HMGCLL1: variants seen among roughly 807,000 people sequenced by gnomAD.
HMGCLL1 encodes 3-hydroxy-3-methylglutaryl-CoA lyase like 1.
Under a neutral mutation model 39.1 loss-of-function variants are expected in HMGCLL1, and 36 were observed. That is an observed-to-expected ratio of 0.92 (90% CI 0.71 to 1.22). The LOEUF is 1.22. HMGCLL1 is among the 50% of genes most tolerant of loss of function. HMGCLL1 has a pLI of 0.00. For synonymous variants in HMGCLL1, 149 were observed against 144.0 expected (o/e 1.03, Z -0.25); for missense variants, 451 against 416.5 (o/e 1.08, Z -0.72).
intron 6 of HMGCLL1, among the ~76,000 whole-genome samples, chr6:55,498,979 T>C (rs186880562): frequency 9.0e-4 from 137 of 152,248 alleles, no homozygotes; most frequent in Admixed American, 8.8e-3. Context: ...ACAAAATGTA[T>C]ATTTTTATTC....
At chr6:55,675,999 T>C in the HMGCLL1 span, among the ~76,000 whole-genome samples, 1 of 152,192 alleles carries the variant, frequency 6.6e-6, no homozygotes, top group Non-Finnish European at 1.5e-5. Flanking sequence ...AAGAATTGGA[T>C]GCTTATCTGG....
intron 7 of HMGCLL1, among the ~76,000 whole-genome samples, chr6:55,473,204 A>AC (rs1369033897): frequency 6.6e-6 from 1 of 151,284 alleles, no homozygotes; most frequent in Non-Finnish European, 1.5e-5. Flanking sequence ...TCCGCTGGCA[A>AC]CCTCTGTCTT....
At chr6:55,647,764 A>AT in the HMGCLL1 span, among the ~76,000 whole-genome samples, 9 of 76,126 alleles carry the variant, frequency 1.2e-4, no homozygotes, top group African/African-American at 2.1e-4. Context: ...TTTTTATTTT[A>AT]TTTTATTTTT....
the HMGCLL1 span, among the ~76,000 whole-genome samples, chr6:55,603,338 A>C: frequency 7.9e-5 from 12 of 152,048 alleles, no homozygotes; most frequent in African/African-American, 2.7e-4. Context: ...TTGAACTTCT[A>C]TATTTAGGTT....
the HMGCLL1 span, among the ~76,000 whole-genome samples, chr6:55,672,366 T>A: frequency 6.2e-3 from 939 of 151,962 alleles, 14 homozygotes; most frequent in African/African-American, 0.021. Flanking sequence ...AATTTATTTA[T>A]TAAGCTCAAA....
the HMGCLL1 span, among the ~76,000 whole-genome samples, chr6:55,642,442 A>T: frequency 2.4e-4 from 37 of 152,106 alleles, no homozygotes; most frequent in African/African-American, 7.7e-4. Flanking sequence ...ATCTGAATGA[A>T]TTTTTTATGG....
intron 1 of HMGCLL1, among the ~76,000 whole-genome samples, chr6:55,564,122 T>C (rs548101273): frequency 2.6e-5 from 4 of 152,216 alleles, no homozygotes; most frequent in East Asian, 3.9e-4. Flanking sequence ...GACTCCTCAT[T>C]TCCTAAATGA....
the HMGCLL1 span, among the ~76,000 whole-genome samples, chr6:55,638,701 G>A: frequency 1.3e-5 from 2 of 152,074 alleles, no homozygotes; most frequent in East Asian, 3.9e-4. Context: ...TAATCCACAG[G>A]ATTCTTAGTC....
chr6:55,435,671 G>A lies in HMGCLL1; in HGVS notation c.1014C>T (p.Phe338=), dbSNP rs1253238344. 2 of 1,584,378 alleles carry A rather than the reference G, an allele frequency of 1.3e-6. No individual in the cohort carries two copies. Among genetic ancestry groups the A allele is most frequent in the Non-Finnish European group, 1.7e-6 (2 of 1,159,204 alleles). The change falls in exon 9 of 9, where the codon TTC becomes TTT. Residue 338 remains phenylalanine (F), a synonymous_variant. Coordinates refer to ENST00000274901, the MANE Select transcript of HMGCLL1 (RefSeq NM_001042406.2). ...CATAAATCCATTCAAGTCAAGCATT[G>A]AAGGAGGCTTGTGCTACTTTAGAGT... The part of the protein sequence containing the change: ...TTNSKVAQAS[F]NA
At chr6:55,664,664 G>A in the HMGCLL1 span, among the ~76,000 whole-genome samples, 88 of 151,712 alleles carry the variant, frequency 5.8e-4, no homozygotes, top group African/African-American at 2.0e-3. Context: ...AATTTCCGTG[G>A]GTCAGGAATC....
At chr6:55,645,626 A>G in the HMGCLL1 span, among the ~76,000 whole-genome samples, 1 of 152,006 alleles carries the variant, frequency 6.6e-6, no homozygotes, top group Non-Finnish European at 1.5e-5. Flanking sequence ...GAACTTTATC[A>G]AATGCCTTTT....
chr6:55,584,752 C>A, the HMGCLL1 span, among the ~76,000 whole-genome samples: 1 of 151,912 alleles, frequency 6.6e-6, no homozygotes, highest in Admixed American at 6.6e-5. Flanking sequence ...AGCAAGTGAA[C>A]CAATTGAAGT....
chr6:55,459,133 A>G (rs1327920202), intron 7 of HMGCLL1, among the ~76,000 whole-genome samples: 3 of 152,168 alleles, frequency 2.0e-5, no homozygotes, highest in Non-Finnish European at 4.4e-5. Flanking sequence ...GAGCATTTGT[A>G]TTTATGTCAG....
chr6:55,533,356 TAA>T (rs1458098398), intron 3 of HMGCLL1, among the ~76,000 whole-genome samples: 1 of 152,134 alleles, frequency 6.6e-6, no homozygotes. Flanking sequence ...CAATAAGAGA[TAA>T]GTTTGCAAAT....
At chr6:55,641,998 A>G in the HMGCLL1 span, among the ~76,000 whole-genome samples, 5 of 139,234 alleles carry the variant, frequency 3.6e-5, no homozygotes, top group East Asian at 4.2e-4. Flanking sequence ...ATGCTGGTGC[A>G]CTGCACCCAC....
At chr6:55,567,393 C>T (rs1043354694) in intron 1 of HMGCLL1, among the ~76,000 whole-genome samples, 3 of 151,062 alleles carry the variant, frequency 2.0e-5, no homozygotes, top group Non-Finnish European at 4.4e-5. Context: ...TATAGGTATA[C>T]ACACACACAC....
chr6:55,533,581 T>A (rs1398691297), intron 3 of HMGCLL1, among the ~76,000 whole-genome samples: 1 of 152,078 alleles, frequency 6.6e-6, no homozygotes, highest in Non-Finnish European at 1.5e-5. Context: ...ATTCCAGACG[T>A]GTCATAGAAG....
chr6:55,543,208 TTATATATTATATAA>T (rs1334027864), intron 1 of HMGCLL1, among the ~76,000 whole-genome samples: 7 of 13,972 alleles, frequency 5.0e-4, no homozygotes, highest in African/African-American at 1.4e-3. Context: ...ATATTATATA[TTATATATTATATAA>T]TATATAATAT....
chr6:55,676,752 GT>G, the HMGCLL1 span, among the ~76,000 whole-genome samples: 4 of 152,186 alleles, frequency 2.6e-5, no homozygotes, highest in Non-Finnish European at 4.4e-5. Context: ...ATTGTCCACA[GT>G]TTCCATAAAA....
Sources: allele counts gnomAD v4.1 joint callset (sites outside exome capture counted in the v4.1 genomes callset), GRCh38; gene constraint gnomAD v4.1.1; transcripts MANE v1.5; gene names NCBI Gene and HGNC (gene_info 2026-07-23, HGNC 2026-07-21).